Variants in ARHGEF10 observed in about 807,000 individuals in gnomAD.
ARHGEF10 encodes the protein Rho guanine nucleotide exchange factor 10.
Under a neutral mutation model 147.4 loss-of-function variants are expected in ARHGEF10, and 140 were observed. The observed-to-expected ratio is 0.95, with a 90% CI of 0.83 to 1.09. ARHGEF10 has a LOEUF of 1.09. Among genes scored for constraint, ARHGEF10 ranks in the 50% least tolerant of loss-of-function variants. ARHGEF10 has a pLI of 0.00. For synonymous variants in ARHGEF10, 902 were observed against 695.8 expected (o/e 1.30, Z -4.67); for missense variants, 2,222 against 1,752.7 (o/e 1.27, Z -4.78).
chr8:1,946,707 A>G (rs1265429618), intron 27 of ARHGEF10, among the ~76,000 whole-genome samples: 3 of 152,164 alleles, frequency 2.0e-5, no homozygotes, highest in Non-Finnish European at 2.9e-5. Context: ...ATGACGGGCC[A>G]TTTATGATAC....
At chr8:1,906,929 CCTT>C (rs966940428) in intron 17 of ARHGEF10, among the ~76,000 whole-genome samples, 5 of 152,210 alleles carry the variant, frequency 3.3e-5, no homozygotes, top group African/African-American at 1.2e-4. Context: ...TAATGACACT[CCTT>C]CTTGTAAGAG....
At chr8:1,859,391 G>A (rs905428973) in intron 3 of ARHGEF10, among the ~76,000 whole-genome samples, 3 of 139,142 alleles carry the variant, frequency 2.2e-5, no homozygotes, top group African/African-American at 8.0e-5. Context: ...CATAGCACCT[G>A]CCTCTCGGTT....
chr8:1,899,138 C>T (rs1307258038), intron 15 of ARHGEF10, among the ~76,000 whole-genome samples: 2 of 152,198 alleles, frequency 1.3e-5, no homozygotes, highest in Admixed American at 6.5e-5. Flanking sequence ...TGAGTGCTGA[C>T]GTGACGTCTC....
intron 11 of ARHGEF10, among the ~76,000 whole-genome samples, chr8:1,892,582 A>G (rs557327865): frequency 1.3e-5 from 2 of 151,810 alleles, no homozygotes; most frequent in South Asian, 4.2e-4. Flanking sequence ...CCCTTCAAAT[A>G]GCATAATCCA....
chr8:1,933,822 T>A lies in ARHGEF10; in HGVS notation c.3102T>A (p.Pro1034=), dbSNP rs1230406854. 7 of 1,614,098 alleles carry A rather than the reference T, an allele frequency of 4.3e-6. No individual in the cohort carries two copies. The highest frequency in any genetic ancestry group is 5.9e-6 in the Non-Finnish European group (7 of 1,179,998). ...RAPDGSWDSE[P]QKVIKLGVLP... is the part of the protein sequence containing the mutation. Reference sequence around the variant, plus strand: ...AAGATGGATCCTGGGATTCAGAACCTCAAAAAGTGATCAAGTTAGGCGTCC... The same window carrying A: ...AAGATGGATCCTGGGATTCAGAACCACAAAAAGTGATCAAGTTAGGCGTCC... The change falls in exon 26 of 29, where the codon CCT becomes CCA. Residue 1034 remains proline, a synonymous_variant. Coordinates refer to ENST00000349830, the MANE Select transcript of ARHGEF10 (RefSeq NM_014629.4).
chr8:1,926,227 C>A (rs868589480), intron 22 of ARHGEF10, 150 bp from the exon 23 acceptor site: 5 of 726,104 alleles, frequency 6.9e-6, no homozygotes, highest in African/African-American at 1.8e-5. Flanking sequence ...TTTAAACTTT[C>A]ATCCTCCCTA....
At chr8:1,898,770 G>A (rs1379962984) in intron 15 of ARHGEF10, among the ~76,000 whole-genome samples, 2 of 152,128 alleles carry the variant, frequency 1.3e-5, no homozygotes, top group Non-Finnish European at 2.9e-5. Flanking sequence ...GGGATGGGCT[G>A]CGGGGAGGGG....
rs750357141 is a variant in ARHGEF10 at position 1,956,798 on chromosome 8, C to T, written c.3570C>T (p.Ile1190=). The change falls in exon 29 of 29, where the codon ATC becomes ATT. Residue 1190 remains isoleucine (I), a synonymous_variant. Coordinates refer to ENST00000349830, the MANE Select transcript of ARHGEF10 (RefSeq NM_014629.4). ...CACACAACAGTCCTGTCAAATTCAT[C>T]GTCCTGGCCACGGCTCTGCACGAGA... ...YHAHNSPVKF[I]VLATALHEKD... The T allele has an allele frequency of 2.4e-5, 39 of 1,614,100 alleles. 1 individual carries two copies. Among genetic ancestry groups the T allele is most frequent in the Middle Eastern group, 1.6e-4 (1 of 6,062 alleles).
At chr8:1,888,325 A>G (rs368344841) in intron 11 of ARHGEF10, among the ~76,000 whole-genome samples, 7 of 43,870 alleles carry the variant, frequency 1.6e-4, no homozygotes, top group African/African-American at 6.6e-4. Context: ...GCTGAGTGGG[A>G]TGTTGACTGT....
At chr8:1,897,962 C>G (rs188949340) in intron 14 of ARHGEF10, among the ~76,000 whole-genome samples, 1 of 152,316 alleles carries the variant, frequency 6.6e-6, no homozygotes, top group Non-Finnish European at 1.5e-5. Flanking sequence ...GCCCCCTCAG[C>G]AGAGGGACCT....
chr8:1,933,385 C>T (rs924521669), intron 25 of ARHGEF10, among the ~76,000 whole-genome samples: 22 of 152,080 alleles, frequency 1.4e-4, no homozygotes, highest in Non-Finnish European at 2.9e-4. Context: ...GACTGAATAC[C>T]TGTGTGCTGG....
intron 27 of ARHGEF10, among the ~76,000 whole-genome samples, chr8:1,950,928 C>T (rs1394456555): frequency 6.6e-6 from 1 of 152,078 alleles, no homozygotes; most frequent in East Asian, 1.9e-4. Context: ...AGGAGCCCTT[C>T]CAGAAGCCGG....
At position 1,948,250 on chromosome 8, in the gene ARHGEF10, C is replaced by A. The variant is rs142951573; in HGVS notation, c.3397+2595C>A. Among the ~76,000 whole-genome samples the A allele has an allele frequency of 1.3e-5, 2 of 152,202 alleles. No individual in the cohort carries two copies. The highest frequency in any genetic ancestry group is 2.9e-5 in the Non-Finnish European group (2 of 68,040). ...GGGCTGGCTCTCCATGGCCACAGTG[C>A]GTGCTCTCAGCCCCCTGCTCCGGGG... On this transcript the variant is annotated intron_variant, in intron 27 of 28. Transcript: ENST00000349830. This position sits in a 1 kb window ranked among gnomAD's most constrained non-coding sequence, Gnocchi z 4.9.
At chr8:1,944,253 G>T (rs1415223327) in intron 26 of ARHGEF10, among the ~76,000 whole-genome samples, 1 of 152,186 alleles carries the variant, frequency 6.6e-6, no homozygotes, top group Non-Finnish European at 1.5e-5. Flanking sequence ...CCCGCACCGT[G>T]TCGCCTCCCT....
Position 1,934,089 on chromosome 8 carries a change from C to G in ARHGEF10, c.3222+147C>G, listed in dbSNP as rs1813372808. 16 of 1,044,602 alleles carry G rather than the reference C, an allele frequency of 1.5e-5. No homozygotes were observed. The East Asian group carries it at 3.8e-4, about 25-fold the overall frequency. 64.7% of individuals were successfully genotyped at this position (1,044,602 alleles called of 1,614,324 possible). Reference sequence around the variant, plus strand: ...GTGGCTCATGCCTGTAATGCCAACACTCTGGGAGGCCAAGGTTGGAGGACT... The same window carrying G: ...GTGGCTCATGCCTGTAATGCCAACAGTCTGGGAGGCCAAGGTTGGAGGACT... On this transcript the variant is annotated intron_variant, in intron 26 of 28. Coordinates refer to ENST00000349830, the MANE Select transcript of ARHGEF10 (RefSeq NM_014629.4).
At chr8:1,932,413 G>A (rs111701503) in intron 25 of ARHGEF10, among the ~76,000 whole-genome samples, 3 of 152,106 alleles carry the variant, frequency 2.0e-5, no homozygotes, top group Non-Finnish European at 2.9e-5. Context: ...TGCATGTGAC[G>A]GCAGGTGCAC....
At chr8:1,929,945 C>T (rs1052649950) in intron 25 of ARHGEF10, among the ~76,000 whole-genome samples, 1 of 152,138 alleles carries the variant, frequency 6.6e-6, no homozygotes, top group Non-Finnish European at 1.5e-5. Flanking sequence ...CCCGCCTGGT[C>T]CCCGCAGCCG....
At chr8:1,951,143 G>C (rs988962423) in intron 27 of ARHGEF10, among the ~76,000 whole-genome samples, 8 of 152,194 alleles carry the variant, frequency 5.3e-5, no homozygotes, top group Non-Finnish European at 1.5e-5. Flanking sequence ...CATGTTTCAT[G>C]CTTAAAATAC....
intron 4 of ARHGEF10, among the ~76,000 whole-genome samples, chr8:1,862,424 T>G (rs1234907994): frequency 6.6e-6 from 1 of 152,264 alleles, no homozygotes; most frequent in East Asian, 1.9e-4. Context: ...CTGCTCTTGT[T>G]TACGCACGGG....
Sources: gnomAD v4.1 joint callset for allele counts (sites outside exome capture counted in the v4.1 genomes callset) on GRCh38, gnomAD v4.1.1 for gene constraint, Gnocchi (gnomAD v3.1) non-coding constraint, MANE v1.5 for transcripts, NCBI Gene and HGNC (gene_info 2026-07-23, HGNC 2026-07-21) for gene names.